Variants in MBNL3 observed in about 807,000 individuals in gnomAD.
MBNL3 encodes the protein muscleblind like splicing regulator 3, also known as muscleblind-like protein 3.
Under a neutral mutation model 24.5 loss-of-function variants are expected in MBNL3, and 6 were observed. The observed-to-expected ratio is 0.25, with a 90% CI of 0.13 to 0.48. MBNL3 has a LOEUF of 0.48. MBNL3 is among the 20% of genes least tolerant of loss of function. The pLI, the probability that MBNL3 is intolerant of heterozygous loss-of-function variation, is 0.99. For missense variants in MBNL3, 230 were observed against 293.5 expected, an observed-to-expected ratio of 0.78 and a Z score of 1.58; for synonymous variants, 100 against 101.7, an observed-to-expected ratio of 0.98 and a Z score of 0.10.
At chrX:132,475,390 T>C (rs1188885454) in intron 1 of MBNL3, among the ~76,000 whole-genome samples, 1 of 112,011 alleles carries the variant, frequency 8.9e-6, no homozygotes, top group Non-Finnish European at 1.9e-5. Context: ...CATTAGATGG[T>C]TCCCAAATGA....
chrX:132,395,491 G>A (rs1218034469), intron 3 of MBNL3, among the ~76,000 whole-genome samples: 1 of 111,512 alleles, frequency 9.0e-6, no homozygotes, highest in African/African-American at 3.3e-5. Context: ...GAAAAGAGAC[G>A]GCTGTCCCTC....
At chrX:132,478,894 C>T (rs766986628) in intron 1 of MBNL3, among the ~76,000 whole-genome samples, 1 of 112,203 alleles carries the variant, frequency 8.9e-6, no homozygotes, top group Non-Finnish European at 1.9e-5. Context: ...GATAACTGAA[C>T]CTGAATCAGC....
chrX:132,386,840 A>T, intron 5 of MBNL3, 29 bp from the exon 6 acceptor site: 1 of 1,199,424 alleles, frequency 8.3e-7, no homozygotes, highest in African/African-American at 1.7e-5. Context: ...TACTAGTACT[A>T]GAGAAAGTAA....
chrX:132,391,191 A>C, intron 4 of MBNL3, 108 bp from the exon 5 acceptor site: 1 of 533,586 alleles, frequency 1.9e-6, no homozygotes, highest in East Asian at 3.5e-5. Context: ...TATACATTGA[A>C]TATATTATGT....
chrX:132,486,712 C>A (rs1288446357), intron 1 of MBNL3, among the ~76,000 whole-genome samples: 2 of 112,171 alleles, frequency 1.8e-5, no homozygotes, highest in East Asian at 5.6e-4. Flanking sequence ...TTATTAAGCA[C>A]CTAGTTTGTG....
At chrX:132,425,538 G>A (rs909385276) in intron 2 of MBNL3, among the ~76,000 whole-genome samples, 17 of 111,192 alleles carry the variant, frequency 1.5e-4, no homozygotes, top group African/African-American at 4.9e-4. Flanking sequence ...ATGTCATTGT[G>A]TATTTAGAAC....
intron 1 of MBNL3, among the ~76,000 whole-genome samples, chrX:132,478,122 T>C (rs191067959): frequency 8.9e-6 from 1 of 111,982 alleles, no homozygotes; most frequent in Non-Finnish European, 1.9e-5. Flanking sequence ...TTCCAACATT[T>C]AAAATTTTTG....
At chrX:132,395,927 G>C (rs1938112565) in intron 3 of MBNL3, among the ~76,000 whole-genome samples, 1 of 111,191 alleles carries the variant, frequency 9.0e-6, no homozygotes, top group African/African-American at 3.3e-5. Context: ...TCTAGAGTAA[G>C]GCTCTGCAAA....
At position 132,407,207 on chromosome X, in the gene MBNL3, C is replaced by A. The variant is rs145542881; in HGVS notation, c.178-815G>T. ...TTAGTTATGTTGTTATTAAAATATT[C>A]CTATAATTTCACTGAGAATCAAGAT... is the stretch of plus-strand genomic sequence containing the variant. On this transcript the variant is annotated intron_variant, in intron 2 of 8. Coordinates refer to ENST00000370853, the MANE Select transcript of MBNL3 (RefSeq NM_001386889.1). 9.3e-3 allele frequency among the ~76,000 whole-genome samples: 1,038 copies of A among 111,990 alleles called. 31 individuals are homozygous for A. The highest frequency in any genetic ancestry group is 0.089 in the Admixed American group (944 of 10,555).
At chrX:132,406,185 G>A in intron 3 of MBNL3, 43 bp downstream of exon 3, 1 of 1,200,427 alleles carries the variant, frequency 8.3e-7, no homozygotes, top group Non-Finnish European at 1.1e-6. Context: ...TTATTCCACT[G>A]TTGATCTTTA....
At chrX:132,453,869 A>C (rs915295266) in intron 1 of MBNL3, among the ~76,000 whole-genome samples, 1 of 110,742 alleles carries the variant, frequency 9.0e-6, no homozygotes, top group African/African-American at 3.3e-5. Context: ...AGGCGGGCGG[A>C]TCACTTGAGG....
chrX:132,481,338 G>A (rs760309807), intron 1 of MBNL3, among the ~76,000 whole-genome samples: 1 of 112,539 alleles, frequency 8.9e-6, no homozygotes, highest in South Asian at 3.6e-4. Flanking sequence ...TACAGATTCA[G>A]TCACTTGAAC....
rs1934118369 is a variant in MBNL3, at chrX:132,376,118, C to T, written c.*3548G>A. The T allele has an allele frequency of 9.0e-6, 1 of 111,003 alleles. No individual in the cohort carries two copies. The highest frequency in any genetic ancestry group is 9.6e-5 in the Admixed American group (1 of 10,400). 9.1% of individuals were successfully genotyped at this position (111,003 alleles called of 1,213,427 possible). On this transcript the variant is annotated 3_prime_UTR_variant, in exon 9 of 9. Coordinates refer to ENST00000370853, the MANE Select transcript of MBNL3 (RefSeq NM_001386889.1). Reference sequence around the variant, plus strand: ...GAGGCCCTCCCATTAGTGAACACCACCTAGTGGTATAGGACAACACTTATG... The same window carrying T: ...GAGGCCCTCCCATTAGTGAACACCATCTAGTGGTATAGGACAACACTTATG...
intron 1 of MBNL3, among the ~76,000 whole-genome samples, chrX:132,449,095 A>C (rs1295558024): frequency 8.9e-6 from 1 of 111,943 alleles, no homozygotes; most frequent in Non-Finnish European, 1.9e-5. Flanking sequence ...TGTGTTTCTG[A>C]GAAGAATGTA....
At chrX:132,456,081 A>G (rs1354540562) in intron 1 of MBNL3, among the ~76,000 whole-genome samples, 2 of 112,121 alleles carry the variant, frequency 1.8e-5, no homozygotes, top group Non-Finnish European at 3.8e-5. Flanking sequence ...GTTTGTAACC[A>G]TCTGACCCTC....
At chrX:132,469,533 T>C (rs1947063520) in intron 1 of MBNL3, among the ~76,000 whole-genome samples, 1 of 112,047 alleles carries the variant, frequency 8.9e-6, no homozygotes, top group South Asian at 3.7e-4. Context: ...AAATCAACTG[T>C]TCCCATAAAG....
At chrX:132,443,272 G>A (rs1945484574) in intron 1 of MBNL3, among the ~76,000 whole-genome samples, 1 of 111,629 alleles carries the variant, frequency 9.0e-6, no homozygotes, top group Non-Finnish European at 1.9e-5. Context: ...TTACTTATTC[G>A]AAGTTACAAA....
intron 1 of MBNL3, among the ~76,000 whole-genome samples, chrX:132,447,782 A>C (rs1375700529): frequency 8.9e-6 from 1 of 112,117 alleles, no homozygotes; most frequent in Non-Finnish European, 1.9e-5. Context: ...AACTTCCAAT[A>C]CTATGTTGAA....
chrX:132,436,715 CAACTT>C (rs746684286), intron 2 of MBNL3, among the ~76,000 whole-genome samples: 39 of 112,093 alleles, frequency 3.5e-4, no homozygotes, highest in African/African-American at 1.1e-3. Context: ...CAATTACCCT[CAACTT>C]AATTTAACCT....
Sources: gnomAD v4.1 joint callset for allele counts (sites outside exome capture counted in the v4.1 genomes callset) on GRCh38, gnomAD v4.1.1 for gene constraint, MANE v1.5 for transcripts, NCBI Gene and HGNC (gene_info 2026-07-23, HGNC 2026-07-21) for gene names.